SPATA13: variants seen among roughly 807,000 people sequenced by gnomAD.
The protein encoded by SPATA13 is spermatogenesis associated 13, also known as spermatogenesis-associated protein 13.
A neutral mutation model predicts 104.0 loss-of-function variants in SPATA13; 50 were observed. The observed-to-expected ratio is 0.48, with a 90% confidence interval of 0.38 to 0.61. The LOEUF (loss-of-function observed/expected upper bound fraction) is 0.61. Ranked by LOEUF, SPATA13 falls within the 20% of genes least tolerant of loss-of-function variation. The pLI is 0.00. For missense variants in SPATA13, 1,524 were observed against 1,690.6 expected, an observed-to-expected ratio of 0.90 and a Z score of 1.73; for synonymous variants, 606 against 667.5, an observed-to-expected ratio of 0.91 and a Z score of 1.42.
intron 2 of SPATA13, among the ~76,000 whole-genome samples, chr13:24,234,501 G>C (rs1872465706): frequency 6.6e-6 from 1 of 152,142 alleles, no homozygotes; most frequent in Admixed American, 6.5e-5. Context: ...TTTCAACCCG[G>C]CTTGGTGACA....
Position 24,142,110 on chromosome 13 carries a change from G to GT in SPATA13, c.-111-80697dup, listed in dbSNP as rs35400287. ...CAGTATTAATCATTTGTAGGGAAAG[G>GT]TTTTTTTTTTTTAGCTTTTTTATGC... On this transcript the variant is annotated intron_variant, in intron 3 of 14. Coordinates refer to the SPATA13 transcript ENST00000424834. 4.0e-3 allele frequency among the ~76,000 whole-genome samples: 594 copies of GT among 148,542 alleles called. 1 individual carries two copies. Among genetic ancestry groups the GT allele is most frequent in the African/African-American group, 0.013 (524 of 40,426 alleles).
chr13:24,154,088 C>T (rs950329959), intron 3 of SPATA13, among the ~76,000 whole-genome samples: 1 of 151,988 alleles, frequency 6.6e-6, no homozygotes, highest in African/African-American at 2.4e-5. Flanking sequence ...GAACTCTCTT[C>T]TACCACTTGT....
rs1440545871 is a variant in SPATA13, at chr13:24,224,290, C to A, written c.1361C>A (p.Thr454Lys). 1 of 1,551,762 alleles carries A rather than the reference C, an allele frequency of 6.4e-7. No individual in the cohort carries two copies. Among genetic ancestry groups the A allele is most frequent in the Non-Finnish European group, 8.7e-7 (1 of 1,147,004 alleles). The change falls in exon 2 of 13, where the codon ACA (threonine) becomes AAA (lysine). Residue 454 changes from threonine to lysine, a missense_variant. Physicochemically the swap from Thr to Lys is moderately conservative, Grantham distance 78. This residue lies in a region of SPATA13 where 1,089 missense variants were observed against 1,135.9 expected (regional missense o/e 0.96). Transcript: ENST00000382108. ...SCDPNAGSQLTFDPEQPPTPL... is the reference protein window; with the variant it reads ...SCDPNAGSQLKFDPEQPPTPL... ...GACCCAAACGCTGGCAGCCAGTTGA[C>A]ATTTGACCCTGAGCAGCCTCCCACC... is the stretch of plus-strand genomic sequence containing the variant.
chr13:24,015,762 A>C (rs1876683037), intron 2 of SPATA13, among the ~76,000 whole-genome samples: 1 of 150,492 alleles, frequency 6.6e-6, no homozygotes, highest in African/African-American at 2.5e-5. Flanking sequence ...TCCTAGGTCC[A>C]CCGTTTCTGG....
chr13:24,123,765 T>TG, intron 3 of SPATA13: 1 of 1,321,622 alleles, frequency 7.6e-7, no homozygotes. Flanking sequence ...GCCTTGTATA[T>TG]GGGGCTTTGG....
intron 3 of SPATA13, among the ~76,000 whole-genome samples, chr13:24,033,358 C>A (rs1877549343): frequency 6.6e-6 from 1 of 152,208 alleles, no homozygotes; most frequent in South Asian, 2.1e-4. Context: ...CAGAGGGGCT[C>A]ATTGCATTTC....
chr13:24,078,493 A>G (rs1879404250), intron 3 of SPATA13, among the ~76,000 whole-genome samples: 1 of 152,170 alleles, frequency 6.6e-6, no homozygotes, highest in Admixed American at 6.5e-5. Context: ...ACATACTTTT[A>G]GTGACTAGTG....
chr13:24,181,498 A>C (rs1868804162), intron 1 of SPATA13, among the ~76,000 whole-genome samples: 1 of 152,126 alleles, frequency 6.6e-6, no homozygotes, highest in Non-Finnish European at 1.5e-5. Context: ...TTTTATTAAA[A>C]TTTGTTTTGC....
At chr13:24,285,356 A>G (rs1318416262) in intron 5 of SPATA13, among the ~76,000 whole-genome samples, 1 of 152,180 alleles carries the variant, frequency 6.6e-6, no homozygotes. Flanking sequence ...GCATATGTGC[A>G]TAACTTTAGT....
chr13:24,282,628 G>C (rs1875627965), intron 4 of SPATA13, among the ~76,000 whole-genome samples: 1 of 152,158 alleles, frequency 6.6e-6, no homozygotes, highest in Non-Finnish European at 1.5e-5. Flanking sequence ...GTTCTCCCCA[G>C]CTGGCTTCCC....
intron 2 of SPATA13, among the ~76,000 whole-genome samples, chr13:23,987,046 C>T (rs927712246): frequency 3.0e-5 from 3 of 99,884 alleles, no homozygotes; most frequent in Non-Finnish European, 6.6e-5. Context: ...TGTGTTACTA[C>T]TCCACATGGG....
intron 11 of SPATA13, among the ~76,000 whole-genome samples, chr13:24,300,193 T>G (rs1877086183): frequency 6.6e-6 from 1 of 152,204 alleles, no homozygotes; most frequent in African/African-American, 2.4e-5. Flanking sequence ...CTGTCCGGGT[T>G]TGCAGGACAA....
rs1223358203 is a variant in SPATA13 at position 24,222,406 on chromosome 13, A to G, written c.-111-413A>G. 5.3e-5 allele frequency among the ~76,000 whole-genome samples: 8 copies of G among 152,238 alleles called. 1 individual carries two copies. The highest frequency in any genetic ancestry group is 3.3e-4 in the Admixed American group (5 of 15,306). ...GTATTCGGTATGTTGGATTCAACAC[A>G]GGCTGCCATTTTAATGTCATGCTTT... On this transcript the variant is annotated intron_variant, in intron 1 of 12. Transcript: ENST00000382108.
At chr13:24,244,406 T>C (rs1279223082) in intron 2 of SPATA13, among the ~76,000 whole-genome samples, 1 of 152,272 alleles carries the variant, frequency 6.6e-6, no homozygotes. Context: ...ATCTTTCATT[T>C]TTCCTCTGGT....
intron 3 of SPATA13, among the ~76,000 whole-genome samples, chr13:24,039,958 G>C (rs1411816600): frequency 6.6e-6 from 1 of 152,172 alleles, no homozygotes; most frequent in Non-Finnish European, 1.5e-5. Flanking sequence ...CTTTCTGAGT[G>C]GTGGAGCCCA....
rs552738203 is a variant in SPATA13 at position 24,226,257 on chromosome 13, G to A, written c.1653+1675G>A. Among the ~76,000 whole-genome samples, 8 of 152,286 alleles carry A rather than the reference G, an allele frequency of 5.3e-5. No homozygotes were observed. In the East Asian group the frequency reaches 7.7e-4, roughly 15 times the overall value. Reference sequence around the variant, plus strand: ...TGGCTTGAAGGTGGGGTTTCACTGCGGACCCGCCCCTTCCCACCTAGGTAC... The same window carrying A: ...TGGCTTGAAGGTGGGGTTTCACTGCAGACCCGCCCCTTCCCACCTAGGTAC... On this transcript the variant is annotated intron_variant, in intron 2 of 12. Transcript: ENST00000382108.
intron 2 of SPATA13, among the ~76,000 whole-genome samples, chr13:24,242,303 C>T (rs565248572): frequency 6.8e-4 from 104 of 152,272 alleles, no homozygotes; most frequent in African/African-American, 2.4e-3. Context: ...ACTATGTCTA[C>T]ACACACATGG....
intron 2 of SPATA13, among the ~76,000 whole-genome samples, chr13:23,995,658 G>A (rs538939545): frequency 6.6e-6 from 1 of 152,150 alleles, no homozygotes; most frequent in Non-Finnish European, 1.5e-5. Context: ...TTGTAATCTG[G>A]AAAGTTTTGA....
chr13:24,196,419 A>C (rs1237969338), intron 1 of SPATA13, among the ~76,000 whole-genome samples: 1 of 152,194 alleles, frequency 6.6e-6, no homozygotes, highest in Admixed American at 6.5e-5. Context: ...ATAACATTCA[A>C]TAAAAATACC....
Sources: allele counts gnomAD v4.1 joint callset (sites outside exome capture counted in the v4.1 genomes callset), GRCh38; gene constraint gnomAD v4.1.1; regional missense constraint gnomAD v4.1.1; transcripts MANE v1.5; gene names NCBI Gene and HGNC (gene_info 2026-07-23, HGNC 2026-07-21).